The following CBLB variants were observed in gnomAD, a reference collection of about 807,000 sequenced individuals.
CBLB encodes the protein Cbl proto-oncogene B.
Under a neutral mutation model 104.9 loss-of-function variants are expected in CBLB, and 31 were observed. That is an observed-to-expected ratio of 0.30 (90% CI 0.22 to 0.40). CBLB has a LOEUF of 0.40. Ranked by LOEUF, CBLB falls within the 10% of genes least tolerant of loss-of-function variation. The pLI is 1.00. For missense variants in CBLB, 1,062 were observed against 1,214.6 expected, an observed-to-expected ratio of 0.87 and a Z score of 1.87; for synonymous variants, 440 against 422.6, an observed-to-expected ratio of 1.04 and a Z score of -0.51.
intron 9 of CBLB, among the ~76,000 whole-genome samples, chr3:105,723,509 A>C (rs138102913): frequency 6.6e-6 from 1 of 152,292 alleles, no homozygotes; most frequent in African/African-American, 2.4e-5. Context: ...ATACAGTAAA[A>C]TAATTCAGAC....
intron 9 of CBLB, among the ~76,000 whole-genome samples, chr3:105,721,241 GCTGACGTCTTTAAAGAAA>G (rs889669994): frequency 6.6e-6 from 1 of 152,172 alleles, no homozygotes; most frequent in African/African-American, 2.4e-5. Flanking sequence ...GATGCAGAGA[GCTGACGTCTTTAAAGAAA>G]CTGTTCCATA....
At chr3:105,687,083 C>T (rs868057650) in intron 13 of CBLB, among the ~76,000 whole-genome samples, 8 of 151,990 alleles carry the variant, frequency 5.3e-5, no homozygotes, top group Admixed American at 2.6e-4. Context: ...AGTCAAGGAC[C>T]AGAATGGGTT....
At chr3:105,869,058 G>T, upstream of CBLB, 20 of 1,065,824 alleles carry the variant, frequency 1.9e-5, no homozygotes, top group Non-Finnish European at 2.3e-5. Flanking sequence ...GGGGCGGGGC[G>T]GGGCGGGGGC....
intron 10 of CBLB, among the ~76,000 whole-genome samples, chr3:105,708,331 T>C (rs1189897888): frequency 6.6e-6 from 1 of 152,130 alleles, no homozygotes; most frequent in Non-Finnish European, 1.5e-5. Flanking sequence ...ATTTGTCCAC[T>C]GTTCCTCTTA....
chr3:105,784,308 A>G (rs2080692966), intron 3 of CBLB, among the ~76,000 whole-genome samples: 1 of 152,244 alleles, frequency 6.6e-6, no homozygotes, highest in African/African-American at 2.4e-5. Context: ...CTGTAAACAC[A>G]ATGGAAAATC....
chr3:105,670,361 T>TA lies in CBLB; in HGVS notation c.2570-10dup. On this transcript the variant is annotated splice_polypyrimidine_tract_variant and intron_variant, in intron 17 of 18. Transcript: ENST00000394030. Reference sequence around the variant, plus strand: ...TAGATCAACAAAGGGATCTTAAAAATAAAAACAAGTTTCAAATTAAAAGGA... The same window carrying TA: ...TAGATCAACAAAGGGATCTTAAAAATAAAAAACAAGTTTCAAATTAAAAGGA... 1 of 1,608,012 alleles carries TA rather than the reference T, an allele frequency of 6.2e-7. No individual in the cohort carries two copies. The highest frequency in any genetic ancestry group is 8.5e-7 in the Non-Finnish European group (1 of 1,175,288).
intron 10 of CBLB, among the ~76,000 whole-genome samples, chr3:105,704,932 C>G (rs1401026465): frequency 6.6e-6 from 1 of 151,882 alleles, no homozygotes; most frequent in Non-Finnish European, 1.5e-5. Context: ...GTGTGTGTGT[C>G]TATGTGTTTT....
Position 105,868,722 on chromosome 3 carries a change from C to A in CBLB, c.-15+14G>T. On this transcript the variant is annotated intron_variant, in intron 1 of 18. Transcript: ENST00000394030. The stretch of plus-strand genomic sequence containing the variant: ...GAAGTGTGGAGCCTCCCCGGCGACC[C>A]CTTCCCTTCTTGCCTTTCGGCGCCG... 1 of 994,564 alleles carries A rather than the reference C, an allele frequency of 1.0e-6. No homozygotes were observed. Among genetic ancestry groups the A allele is most frequent in the Non-Finnish European group, 1.2e-6 (1 of 835,202 alleles). 61.6% of individuals were successfully genotyped at this position (994,564 alleles called of 1,614,324 possible). A position where few individuals can be genotyped will look rare whatever the true frequency, so the allele number is the denominator to read the frequency against.
At chr3:105,789,039 G>A (rs1002858850) in intron 3 of CBLB, among the ~76,000 whole-genome samples, 6 of 152,134 alleles carry the variant, frequency 3.9e-5, no homozygotes, top group Non-Finnish European at 8.8e-5. Flanking sequence ...ATTATATGAA[G>A]CAGAAAAAAC....
intron 3 of CBLB, among the ~76,000 whole-genome samples, chr3:105,779,447 T>G (rs1196517939): frequency 6.6e-6 from 1 of 152,222 alleles, no homozygotes; most frequent in Non-Finnish European, 1.5e-5. Flanking sequence ...ATTTTGCCTT[T>G]AGTCTTGAAA....
At chr3:105,667,342 T>C (rs2152689437) in intron 18 of CBLB, among the ~76,000 whole-genome samples, 1 of 152,238 alleles carries the variant, frequency 6.6e-6, no homozygotes, top group East Asian at 1.9e-4. Flanking sequence ...TGTAGTACAA[T>C]ATGTCTTACA....
At chr3:105,827,362 A>G (rs1391394681) in intron 3 of CBLB, among the ~76,000 whole-genome samples, 1 of 152,172 alleles carries the variant, frequency 6.6e-6, no homozygotes, top group Admixed American at 6.5e-5. Flanking sequence ...GTTGGTTCCC[A>G]TAACACTCAC....
intron 3 of CBLB, among the ~76,000 whole-genome samples, chr3:105,817,366 C>G (rs2085209894): frequency 6.6e-6 from 1 of 151,966 alleles, no homozygotes; most frequent in African/African-American, 2.4e-5. Context: ...AGAGGAGATT[C>G]TAGGACTTGG....
upstream of CBLB, chr3:105,869,217 C>A (rs761455067): frequency 8.5e-5 from 55 of 643,348 alleles, no homozygotes; most frequent in Non-Finnish European, 1.3e-4. Flanking sequence ...AAGGCCCGCT[C>A]GCAGCACGTC....
At chr3:105,681,209 C>T in intron 16 of CBLB, 1 of 523,902 alleles carries the variant, frequency 1.9e-6, no homozygotes, top group East Asian at 2.9e-5. Flanking sequence ...GAGCACAAAG[C>T]TCTCATGTGT....
chr3:105,675,987 CTT>C (rs34061447), intron 17 of CBLB, among the ~76,000 whole-genome samples: 3 of 140,872 alleles, frequency 2.1e-5, no homozygotes, highest in African/African-American at 2.6e-5. Flanking sequence ...AAAAAGTTGC[CTT>C]TTTTTTTTTT....
At chr3:105,763,622 C>A (rs766992702) in intron 4 of CBLB, among the ~76,000 whole-genome samples, 8 of 152,150 alleles carry the variant, frequency 5.3e-5, no homozygotes, top group Non-Finnish European at 1.0e-4. Context: ...ACTTCTTTTT[C>A]TTTATAAATT....
intron 18 of CBLB, among the ~76,000 whole-genome samples, chr3:105,667,643 A>G (rs2064618995): frequency 1.3e-5 from 2 of 152,240 alleles, no homozygotes; most frequent in African/African-American, 4.8e-5. Flanking sequence ...GGCTCTTTAT[A>G]TATGTAGACA....
At chr3:105,725,648 G>C (rs1351970278) in intron 9 of CBLB, among the ~76,000 whole-genome samples, 1 of 152,100 alleles carries the variant, frequency 6.6e-6, no homozygotes, top group African/African-American at 2.4e-5. Flanking sequence ...CAACGTGAAA[G>C]GGAAGCTCCA....
Sources: allele counts gnomAD v4.1 joint callset (sites outside exome capture counted in the v4.1 genomes callset), GRCh38; gene constraint gnomAD v4.1.1; transcripts MANE v1.5; gene names NCBI Gene and HGNC (gene_info 2026-07-23, HGNC 2026-07-21).